Variants in RALGDS observed in about 807,000 individuals in gnomAD.
The protein encoded by RALGDS is ral guanine nucleotide exchange factor.
Under a neutral mutation model 99.8 loss-of-function variants are expected in RALGDS, and 44 were observed. That is an observed-to-expected ratio of 0.44 (90% CI 0.35 to 0.57). The LOEUF (loss-of-function observed/expected upper bound fraction) is 0.57, where lower values mean the gene tolerates loss of function less well. RALGDS is among the 20% of genes least tolerant of loss of function. RALGDS has a pLI of 0.01. For synonymous variants in RALGDS, 529 were observed against 505.0 expected, an observed-to-expected ratio of 1.05 and a Z score of -0.64; for missense variants, 1,022 against 1,203.1, an observed-to-expected ratio of 0.85 and a Z score of 2.23.
Position 133,108,853 on chromosome 9 carries a change from T to G in RALGDS, c.598A>C (p.Ile200Leu). 1 of 1,612,340 alleles carries G rather than the reference T, an allele frequency of 6.2e-7. No homozygotes were observed. The highest frequency in any genetic ancestry group is 8.5e-7 in the Non-Finnish European group (1 of 1,179,520). Residue 200 changes from isoleucine (I) to leucine (L), a missense_variant, in exon 5 of 18, where the codon ATC becomes CTC. Coordinates refer to ENST00000372050, the MANE Select transcript of RALGDS (RefSeq NM_006266.4). ...TACTGGTCCAGCCAGGTGCCCAGGATGGAGGAGATGGCACTGGGGACAGGT... is the reference window on the plus strand; with the variant it reads ...TACTGGTCCAGCCAGGTGCCCAGGAGGGAGGAGATGGCACTGGGGACAGGT... ...QDQLKNAISS[I>L]LGTWLDQYSE...
At chr9:133,119,032 CAAG>C (rs1831764473) in intron 1 of RALGDS, among the ~76,000 whole-genome samples, 1 of 152,224 alleles carries the variant, frequency 6.6e-6, no homozygotes, top group African/African-American at 2.4e-5. Context: ...CTCCAGAAAG[CAAG>C]AACTGTGCAG....
At chr9:133,103,418 C>T (rs117986321) in intron 11 of RALGDS, among the ~76,000 whole-genome samples, 156 bp from the exon 12 acceptor site, 6 of 152,150 alleles carry the variant, frequency 3.9e-5, no homozygotes, top group Admixed American at 2.0e-4. Flanking sequence ...AGGGGACATG[C>T]GGGCAGAGGC....
chr9:133,121,051 A>G lies in RALGDS; in HGVS notation c.104T>C (p.Leu35Pro). 3 of 1,491,948 alleles carry G rather than the reference A, an allele frequency of 2.0e-6. No homozygotes were observed. The highest frequency in any genetic ancestry group is 1.3e-5 in the South Asian group (1 of 79,760). The allele number at this position is 1,491,948 out of a possible 1,614,324, so 92.4% of individuals were successfully genotyped here. A position where few individuals can be genotyped will look rare whatever the true frequency, so the allele number is the denominator to read the frequency against. Residue 35 changes from leucine (L) to proline (P), a missense_variant, in exon 1 of 18, where the codon CTG becomes CCG. Coordinates refer to ENST00000372050, the MANE Select transcript of RALGDS (RefSeq NM_006266.4). Reference sequence around the variant, plus strand: ...GCAGCTGTCGGGGACGCCCACCTCCAGGCGCACGGCGTCCCACACGCTGCG... The same window carrying G: ...GCAGCTGTCGGGGACGCCCACCTCCGGGCGCACGGCGTCCCACACGCTGCG... The part of the protein sequence containing the change: ...RSRSVWDAVR[L>P]EVGVPDSCPV...
At chr9:133,103,295 G>T in intron 11 of RALGDS, 33 bp from the exon 12 acceptor site, 1 of 1,613,706 alleles carries the variant, frequency 6.2e-7, no homozygotes, top group African/African-American at 1.3e-5. Context: ...CCGTCAGAAA[G>T]TGACCCCTTG....
chr9:133,101,646 C>T lies in RALGDS; in HGVS notation c.2328G>A (p.Lys776=), dbSNP rs1241050826. 4 of 1,613,876 alleles carry T rather than the reference C, an allele frequency of 2.5e-6. No homozygotes were observed. The highest frequency in any genetic ancestry group is 3.4e-6 in the Non-Finnish European group (4 of 1,180,034). The change falls in exon 16 of 18, where the codon AAG becomes AAA. Residue 776 remains lysine (K), a synonymous_variant. Transcript: ENST00000372050. ...AGTTGCAGAGCCCTGAGACAGAGCG[C>T]TTGTGGGTGCGTGTGGCAGCCACGG... ...TTPVAATRTH[K]RSVSGLCNSS...
intron 1 of RALGDS, among the ~76,000 whole-genome samples, chr9:133,142,769 T>C (rs11244009): frequency 0.6 from 90,791 of 152,116 alleles, 27,515 homozygotes; most frequent in African/African-American, 0.63. Context: ...GCTCTGTTTA[T>C]GTCTCCTTGC....
Position 133,104,243 on chromosome 9 carries a change from G to A in RALGDS, c.1671+20C>T, listed in dbSNP as rs201997154. 1.0e-5 allele frequency: 16 copies of A among 1,605,956 alleles called. No individual in the cohort carries two copies. The highest frequency in any genetic ancestry group is 1.3e-5 in the Non-Finnish European group (15 of 1,173,170). Reference sequence around the variant, plus strand: ...CCCCAGGCCAGCCCCCTGCCCCTCCGCGGCCTTGGGCACTCTCACCGTCTC... The same window carrying A: ...CCCCAGGCCAGCCCCCTGCCCCTCCACGGCCTTGGGCACTCTCACCGTCTC... On this transcript the variant is annotated intron_variant, in intron 10 of 17. Transcript: ENST00000372050.
Position 133,102,498 on chromosome 9 carries a change from C to T in RALGDS, c.1987G>A (p.Ala663Thr), listed in dbSNP as rs1249513215. Residue 663 changes from alanine (A) to threonine (T), a missense_variant, in exon 14 of 18, where the codon GCC becomes ACC. Ala to Thr is a moderately conservative substitution (Grantham distance 58). This residue lies in a region of RALGDS where 825 missense variants were observed against 994.5 expected (regional missense o/e 0.83). Transcript: ENST00000372050. ...TACTCGCTCCAGCGCTTGACAATGG[C>T]TGTGTTCTTCTTGGTCCTGAGGGTG... ...SNTLRTKKNT[A>T]IVKRWSDRQA... is the part of the protein sequence containing the mutation. 1 of 1,614,128 alleles carries T rather than the reference C, an allele frequency of 6.2e-7. No individual in the cohort carries two copies. The highest frequency in any genetic ancestry group is 8.5e-7 in the Non-Finnish European group (1 of 1,180,012).
At chr9:133,130,532 C>T (rs1027628029) in intron 1 of RALGDS, among the ~76,000 whole-genome samples, 3 of 152,082 alleles carry the variant, frequency 2.0e-5, no homozygotes, top group Non-Finnish European at 4.4e-5. Flanking sequence ...GAAAAAACAC[C>T]ACCAAAGGTA....
chr9:133,101,983 G>C lies in RALGDS; in HGVS notation c.2166C>G (p.Ile722Met), dbSNP rs984770014. ...AGSSSSDVEE[I>M]NISFVPESPD... ...GAGACTCCGGGACGAAGCTGATGTT[G>C]ATCTCCTCCACGTCGGAGCTAGAGG... Residue 722 changes from isoleucine to methionine, a missense_variant, in exon 15 of 18, where the codon ATC becomes ATG. Physicochemically the swap from Ile to Met is conservative, Grantham distance 10. Around this residue, in one of 3 missense-constraint regions of RALGDS, gnomAD observed 825 missense variants for 994.5 expected, o/e 0.83. Coordinates refer to ENST00000372050, the MANE Select transcript of RALGDS (RefSeq NM_006266.4). 1.3e-6 allele frequency: 2 copies of C among 1,551,892 alleles called. No homozygotes were observed. The highest frequency in any genetic ancestry group is 4.9e-5 in the East Asian group (2 of 40,980).
At chr9:133,120,859 G>T (rs1259472957) in intron 1 of RALGDS, 113 bp downstream of exon 1, 7 of 1,197,778 alleles carry the variant, frequency 5.8e-6, no homozygotes, top group Non-Finnish European at 6.5e-6. Flanking sequence ...GAGGAGGGAG[G>T]CGGCCCGCTG....
chr9:133,134,010 C>G (rs1832386166), upstream of RALGDS, among the ~76,000 whole-genome samples: 1 of 152,234 alleles, frequency 6.6e-6, no homozygotes, highest in African/African-American at 2.4e-5. Context: ...TTTTGCTCCT[C>G]TTTCCTGCTG....
intron 1 of RALGDS, among the ~76,000 whole-genome samples, chr9:133,129,908 C>T (rs996153465): frequency 7.3e-5 from 11 of 151,590 alleles, no homozygotes; most frequent in South Asian, 4.2e-4. Context: ...CTCTACCTCC[C>T]GGTTCAAGTG....
At chr9:133,109,787 ATTT>A (rs368366646) in intron 3 of RALGDS, 66 bp from the exon 4 acceptor site, 2 of 1,129,296 alleles carry the variant, frequency 1.8e-6, no homozygotes, top group Non-Finnish European at 2.5e-6. Flanking sequence ...GAGGGCAGGG[ATTT>A]TTTTTTTTGC....
upstream of RALGDS, among the ~76,000 whole-genome samples, chr9:133,135,580 G>A (rs542543917): frequency 7.2e-5 from 11 of 151,976 alleles, no homozygotes; most frequent in East Asian, 9.8e-4. Flanking sequence ...GGAACCCAAC[G>A]TCTAACTGTA....
At chr9:133,109,030 C>T (rs965085164) in intron 4 of RALGDS, among the ~76,000 whole-genome samples, 164 bp from the exon 5 acceptor site, 3 of 152,122 alleles carry the variant, frequency 2.0e-5, no homozygotes, top group Admixed American at 1.3e-4. Flanking sequence ...GTGGCGAACA[C>T]CTCTCCCCTC....
intron 9 of RALGDS, 112 bp from the exon 10 acceptor site, chr9:133,104,443 C>A: frequency 3.0e-6 from 3 of 986,218 alleles, no homozygotes; most frequent in Non-Finnish European, 4.8e-6. Context: ...TGTATCAATA[C>A]TCACTAGTGT....
intron 16 of RALGDS, chr9:133,100,902 G>C (rs1441717638): frequency 1.9e-6 from 2 of 1,043,900 alleles, no homozygotes; most frequent in Admixed American, 5.0e-5. Flanking sequence ...CTGGCAATGA[G>C]GGGTCAGGAG....
chr9:133,147,930 G>A (rs946157723), intron 1 of RALGDS, among the ~76,000 whole-genome samples: 3 of 152,102 alleles, frequency 2.0e-5, no homozygotes, highest in African/African-American at 7.2e-5. Flanking sequence ...CTCCAACCAG[G>A]GCAACGGCTC....
Sources: allele counts gnomAD v4.1 joint callset (sites outside exome capture counted in the v4.1 genomes callset), GRCh38; gene constraint gnomAD v4.1.1; regional missense constraint gnomAD v4.1.1; transcripts MANE v1.5; gene names NCBI Gene and HGNC (gene_info 2026-07-23, HGNC 2026-07-21).